The following DRC10 variants were observed in gnomAD, a reference collection of about 807,000 sequenced individuals.
DRC10 encodes dynein regulatory complex subunit 10.
chr12:113,202,501 G>T, the DRC10 span, among the ~76,000 whole-genome samples: 1 of 152,214 alleles, frequency 6.6e-6, no homozygotes, highest in Non-Finnish European at 1.5e-5. Context: ...CCCCAGAGAG[G>T]CTGTGGGGTA....
At chr12:113,207,386 A>C in the DRC10 span, 1 of 1,473,262 alleles carries the variant, frequency 6.8e-7, no homozygotes, top group South Asian at 1.1e-5. Context: ...CCCAACCAAC[A>C]AAAGATTTGT....
the DRC10 span, among the ~76,000 whole-genome samples, chr12:113,203,777 ATTTTTTTTT>A: frequency 9.3e-5 from 9 of 96,970 alleles, no homozygotes; most frequent in South Asian, 7.6e-4. Flanking sequence ...TGCCCAGCTA[ATTTTTTTTT>A]TTTTTTTTTT....
chr12:113,195,778 G>A, the DRC10 span: 7 of 1,613,732 alleles, frequency 4.3e-6, no homozygotes, highest in East Asian at 2.2e-5. Flanking sequence ...TTGATCTCCC[G>A]CTCTTCCCGG....
At chr12:113,217,029 C>T in the DRC10 span, among the ~76,000 whole-genome samples, 1 of 152,126 alleles carries the variant, frequency 6.6e-6, no homozygotes, top group Admixed American at 6.6e-5. Context: ...GCGTAGGTTG[C>T]AGTGAGCTGA....
chr12:113,207,425 T>C, the DRC10 span: 1 of 1,594,380 alleles, frequency 6.3e-7, no homozygotes. Context: ...TCAGCAATAC[T>C]ATGAAACAAT....
At chr12:113,207,348 A>T in the DRC10 span, 4 of 882,696 alleles carry the variant, frequency 4.5e-6, no homozygotes, top group Non-Finnish European at 7.2e-6. Flanking sequence ...ACTCCATCTT[A>T]AAAAAAAAAT....
the DRC10 span, among the ~76,000 whole-genome samples, chr12:113,215,013 C>T: frequency 4.6e-4 from 70 of 152,158 alleles, 1 homozygote; most frequent in East Asian, 0.013. Flanking sequence ...GCTGCAGGCT[C>T]CAGGATTATC....
the DRC10 span, among the ~76,000 whole-genome samples, chr12:113,209,713 G>A: frequency 6.6e-6 from 1 of 152,222 alleles, no homozygotes; most frequent in African/African-American, 2.4e-5. Context: ...AACACATCAA[G>A]GTTATCTAAG....
the DRC10 span, chr12:113,207,945 G>A: frequency 6.2e-7 from 1 of 1,614,168 alleles, no homozygotes; most frequent in Non-Finnish European, 8.5e-7. Flanking sequence ...CCTCTCTGTT[G>A]GATGCCACAT....
the DRC10 span, among the ~76,000 whole-genome samples, chr12:113,204,838 A>G: frequency 6.6e-6 from 1 of 152,164 alleles, no homozygotes; most frequent in Non-Finnish European, 1.5e-5. Context: ...CTGAGGCACA[A>G]GAATCACTTG....
the DRC10 span, chr12:113,207,990 C>T: frequency 9.9e-6 from 16 of 1,614,044 alleles, no homozygotes; most frequent in African/African-American, 6.7e-5. Context: ...CCTTGTAGAT[C>T]GCCTCATCCA....
chr12:113,211,515 A>G, the DRC10 span, among the ~76,000 whole-genome samples: 1 of 152,092 alleles, frequency 6.6e-6, no homozygotes, highest in Non-Finnish European at 1.5e-5. Flanking sequence ...CGTAATCCCA[A>G]CACTTTGGGA....
the DRC10 span, among the ~76,000 whole-genome samples, chr12:113,201,335 T>A: frequency 6.6e-6 from 1 of 152,174 alleles, no homozygotes; most frequent in Non-Finnish European, 1.5e-5. Flanking sequence ...CTGTCTGGGG[T>A]TGCCCAGCTG....
chr12:113,203,034 C>CTT, the DRC10 span: 50 of 381,862 alleles, frequency 1.3e-4, no homozygotes, highest in African/African-American at 9.3e-4. Context: ...TACTGTTTCC[C>CTT]TTTTTTTTTT....
chr12:113,197,929 G>C, the DRC10 span, among the ~76,000 whole-genome samples: 27 of 152,324 alleles, frequency 1.8e-4, no homozygotes, highest in Admixed American at 9.8e-4. Flanking sequence ...TTAAAGGACA[G>C]AAATCAGCCT....
chr12:113,203,777 A>ATTTTTTTTTTTTT, the DRC10 span, among the ~76,000 whole-genome samples: 2 of 96,970 alleles, frequency 2.1e-5, no homozygotes, highest in Non-Finnish European at 3.9e-5. Flanking sequence ...TGCCCAGCTA[A>ATTTTTTTTTTTTT]TTTTTTTTTT....
the DRC10 span, among the ~76,000 whole-genome samples, chr12:113,219,526 C>T: frequency 6.6e-6 from 1 of 152,108 alleles, no homozygotes; most frequent in South Asian, 2.1e-4. Context: ...ATTGAGTTGT[C>T]CTCTTATTGA....
At chr12:113,207,665 G>T in the DRC10 span, 2 of 1,613,942 alleles carry the variant, frequency 1.2e-6, no homozygotes, top group African/African-American at 1.3e-5. Flanking sequence ...ATCTGCAGGA[G>T]CCTAGCAGCC....
At chr12:113,215,598 C>T in the DRC10 span, among the ~76,000 whole-genome samples, 5 of 152,086 alleles carry the variant, frequency 3.3e-5, no homozygotes, top group Non-Finnish European at 5.9e-5. Context: ...GACCAAGTTC[C>T]CTTAAATCAC....
Sources: gnomAD v4.1 joint callset for allele counts (sites outside exome capture counted in the v4.1 genomes callset) on GRCh38, gnomAD v4.1.1 for gene constraint, MANE v1.5 for transcripts, NCBI Gene and HGNC (gene_info 2026-07-23, HGNC 2026-07-21) for gene names.